Variants in TRPM7 observed in about 807,000 individuals in gnomAD.
The protein encoded by TRPM7 is transient receptor potential cation channel subfamily M member 7.
TRPM7 carries 134 observed loss-of-function variants against 229.7 expected under a neutral mutation model. That is an observed-to-expected ratio of 0.58 (90% CI 0.51 to 0.67). The LOEUF is 0.67. Among genes scored for constraint, TRPM7 ranks in the 30% least tolerant of loss-of-function variants. The pLI, the probability that TRPM7 is intolerant of heterozygous loss-of-function variation, is 0.00. For synonymous variants in TRPM7, 699 were observed against 715.2 expected (o/e 0.98, Z 0.36); for missense variants, 1,901 against 2,210.0 (o/e 0.86, Z 2.80).
At chr15:50,657,698 C>T in intron 3 of TRPM7, 83 bp downstream of exon 3, 1 of 1,222,802 alleles carries the variant, frequency 8.2e-7, no homozygotes, top group Non-Finnish European at 1.2e-6. Context: ...GAGTTTCATG[C>T]CACTGTGTTC....
At chr15:50,672,359 C>A (rs2062008637) in intron 1 of TRPM7, among the ~76,000 whole-genome samples, 1 of 151,590 alleles carries the variant, frequency 6.6e-6, no homozygotes, top group East Asian at 1.9e-4. Flanking sequence ...CCCGGCCACT[C>A]CTACCTATTT....
chr15:50,639,524 G>A lies in TRPM7; in HGVS notation c.560C>T (p.Ala187Val). 1.2e-6 allele frequency: 2 copies of A among 1,609,878 alleles called. No homozygotes were observed. The highest frequency in any genetic ancestry group is 8.5e-7 in the Non-Finnish European group (1 of 1,177,342). The change falls in exon 6 of 39, where the codon GCC becomes GTC. Residue 187 changes from alanine (A) to valine (V), a missense_variant. This residue lies in a region of TRPM7 where 794 missense variants were observed against 881.9 expected (regional missense o/e 0.90). Transcript: ENST00000646667. The stretch of plus-strand genomic sequence containing the variant: ...TGATCTGGAAGCATGTTCTTTGAGG[G>A]CATCTCCAACATGTTTTGCCACACC... ...NTGVAKHVGDALKEHASRSSR... is the reference protein window; with the variant it reads ...NTGVAKHVGDVLKEHASRSSR...
At chr15:50,607,895 A>G (rs1596175604) in intron 19 of TRPM7, among the ~76,000 whole-genome samples, 1 of 151,292 alleles carries the variant, frequency 6.6e-6, no homozygotes, top group Non-Finnish European at 1.5e-5. Context: ...GAAAAAAAAA[A>G]AAAAAAAAAA....
intron 3 of TRPM7, among the ~76,000 whole-genome samples, chr15:50,655,735 C>T (rs941908400): frequency 1.3e-5 from 2 of 152,164 alleles, no homozygotes; most frequent in South Asian, 4.1e-4. Context: ...CAACAGCTCA[C>T]GCCTGGAATT....
In TRPM7 at chr15:50,611,217, G is replaced by C. The variant is rs767918848; in HGVS notation, c.2156C>G (p.Ser719Ter). 8 of 1,613,820 alleles carry C rather than the reference G, an allele frequency of 5.0e-6. No homozygotes were observed. Reference protein sequence around the residue: ...LTYELKNWSNSTCLKLAVSSR... With the variant: ...LTYELKNWSN ...AGAAACTGCTAACTTAAGGCAGGTT[G>C]AATTACTCCAGTTCTTCAGTTCATA... The change falls in exon 17 of 39, where the codon TCA (serine) becomes TGA (stop). Residue 719 changes from serine (S) to a stop codon, truncating the protein, a stop_gained. Coordinates refer to ENST00000646667, the MANE Select transcript of TRPM7 (RefSeq NM_017672.6). LOFTEE classifies it high-confidence loss of function.
intron 3 of TRPM7, among the ~76,000 whole-genome samples, chr15:50,656,678 A>G (rs2061582932): frequency 6.7e-6 from 1 of 148,746 alleles, no homozygotes; most frequent in Non-Finnish European, 1.5e-5. Flanking sequence ...TCCTTGAAAA[A>G]CTCTTCAATA....
In TRPM7 at chr15:50,558,035, T is replaced by C. The variant is rs566815463; in HGVS notation, c.*3643A>G. 1 of 152,280 alleles carries C rather than the reference T, an allele frequency of 6.6e-6. No individual in the cohort carries two copies. Among genetic ancestry groups the C allele is most frequent in the African/African-American group, 2.4e-5 (1 of 41,564 alleles). The allele number at this position is 152,280 out of a possible 1,614,324, so 9.4% of individuals were successfully genotyped here. A position where few individuals can be genotyped will look rare whatever the true frequency, so the allele number is the denominator to read the frequency against. ...TAAAAAATTAAAAAGATTAAGCAAA[T>C]GACACTTTCACATCATAGGGTAGTA... On this transcript the variant is annotated 3_prime_UTR_variant, in exon 39 of 39. Transcript: ENST00000646667.
chr15:50,658,409 CA>C (rs961282470), intron 2 of TRPM7, among the ~76,000 whole-genome samples: 44 of 143,476 alleles, frequency 3.1e-4, no homozygotes, highest in Admixed American at 3.5e-4. Context: ...TCCGTCTCTA[CA>C]AAAAAAAAAA....
At chr15:50,654,423 G>A (rs952306104) in intron 3 of TRPM7, among the ~76,000 whole-genome samples, 24 of 151,000 alleles carry the variant, frequency 1.6e-4, no homozygotes, top group African/African-American at 5.8e-4. Flanking sequence ...CTCCAGCCTG[G>A]GCAACAGAAC....
At chr15:50,591,185 G>C (rs1231171927) in intron 26 of TRPM7, among the ~76,000 whole-genome samples, 2 of 152,088 alleles carry the variant, frequency 1.3e-5, no homozygotes, top group African/African-American at 2.4e-5. Flanking sequence ...TAGATTCCTA[G>C]ATTTCCATTG....
In TRPM7 at chr15:50,575,131, C is replaced by A; in HGVS notation, c.4740G>T (p.Glu1580Asp). 6.3e-7 allele frequency: 1 copy of A among 1,581,888 alleles called. No individual in the cohort carries two copies. Among genetic ancestry groups the A allele is most frequent in the Non-Finnish European group, 8.6e-7 (1 of 1,161,542 alleles). ...CTTCCAAACGATACACTGTGACAGGCTCCCCTGCAACACAAATGGAAAAAG... is the reference window on the plus strand; with the variant it reads ...CTTCCAAACGATACACTGTGACAGGATCCCCTGCAACACAAATGGAAAAAG... ...IPFTPVPPRGEPVTVYRLEES... is the reference protein window; with the variant it reads ...IPFTPVPPRGDPVTVYRLEES... Residue 1580 changes from glutamate to aspartate, a missense_variant, in exon 34 of 39, where the codon GAG (glutamate) becomes GAT (aspartate). By Grantham distance (45) the Glu-to-Asp change is conservative. Around this residue, in one of 8 missense-constraint regions of TRPM7, gnomAD observed 257 missense variants for 352.0 expected, o/e 0.73. Transcript: ENST00000646667.
Position 50,643,255 on chromosome 15 carries a change from C to T in TRPM7, c.535+85G>A, listed in dbSNP as rs184260727. 704 of 1,161,306 alleles carry T rather than the reference C, an allele frequency of 6.1e-4. 1 individual carries two copies. Among genetic ancestry groups the T allele is most frequent in the Non-Finnish European group, 7.9e-4 (637 of 803,468 alleles). 71.9% of individuals were successfully genotyped at this position (1,161,306 alleles called of 1,614,324 possible). A position where few individuals can be genotyped will look rare whatever the true frequency, so the allele number is the denominator to read the frequency against. The stretch of plus-strand genomic sequence containing the variant: ...AGTGAGCCGAGATTGTGCCATTGCA[C>T]TCCAGCCTGGCAACAGAGTGAGAGT... On this transcript the variant is annotated intron_variant, in intron 5 of 38. Transcript: ENST00000646667.
At chr15:50,648,937 A>G in intron 3 of TRPM7, 52 bp from the exon 4 acceptor site, 2 of 1,426,734 alleles carry the variant, frequency 1.4e-6, no homozygotes, top group Admixed American at 4.7e-5. Flanking sequence ...AGAGTTAATG[A>G]AAAAATGGAA....
intron 1 of TRPM7, among the ~76,000 whole-genome samples, chr15:50,681,035 G>A (rs767962450): frequency 1.3e-5 from 2 of 152,056 alleles, no homozygotes; most frequent in Non-Finnish European, 2.9e-5. Flanking sequence ...GGCAGATCAC[G>A]AGGTCAGGAG....
chr15:50,617,280 A>G (rs1279795651), intron 13 of TRPM7, among the ~76,000 whole-genome samples: 2 of 151,426 alleles, frequency 1.3e-5, no homozygotes, highest in African/African-American at 4.9e-5. Context: ...GGGTGCAGTT[A>G]GCCAAAATCG....
At chr15:50,657,061 C>T (rs1292424763) in intron 3 of TRPM7, among the ~76,000 whole-genome samples, 1 of 152,172 alleles carries the variant, frequency 6.6e-6, no homozygotes, top group African/African-American at 2.4e-5. Flanking sequence ...TGGTGGCTCA[C>T]ACCTGTAATC....
intron 1 of TRPM7, among the ~76,000 whole-genome samples, chr15:50,684,363 T>C (rs1302235267): frequency 1.3e-5 from 2 of 151,984 alleles, no homozygotes; most frequent in East Asian, 3.9e-4. Flanking sequence ...GAGTAGAAGC[T>C]GGGCAAAGTG....
At chr15:50,566,996 G>C (rs1332800714) in intron 38 of TRPM7, among the ~76,000 whole-genome samples, 4 of 151,320 alleles carry the variant, frequency 2.6e-5, no homozygotes, top group Non-Finnish European at 5.9e-5. Context: ...TAAAAAGATA[G>C]TAAGGTAACA....
intron 3 of TRPM7, among the ~76,000 whole-genome samples, chr15:50,650,267 C>A (rs2061387125): frequency 6.7e-6 from 1 of 149,430 alleles, no homozygotes; most frequent in African/African-American, 2.5e-5. Flanking sequence ...ACAGCAATAG[C>A]CGAAACAATT....
Sources: allele counts gnomAD v4.1 joint callset (sites outside exome capture counted in the v4.1 genomes callset), GRCh38; gene constraint gnomAD v4.1.1; regional missense constraint gnomAD v4.1.1; transcripts MANE v1.5; gene names NCBI Gene and HGNC (gene_info 2026-07-23, HGNC 2026-07-21).